Variants in NEO1 observed in about 807,000 individuals in gnomAD.
NEO1 encodes neogenin.
In NEO1, 63 loss-of-function variants were observed where a neutral mutation model predicts 159.7. The observed-to-expected ratio is 0.39, with a 90% confidence interval of 0.32 to 0.49. The LOEUF is 0.49. Ranked by LOEUF, NEO1 falls within the 20% of genes least tolerant of loss-of-function variation. The probability of loss-of-function intolerance (pLI) is 0.85; values close to 1 mark genes in which losing one functional copy is unlikely to be tolerated. For synonymous variants in NEO1, 633 were observed against 662.0 expected (o/e 0.96, Z 0.67); for missense variants, 1,615 against 1,831.0 (o/e 0.88, Z 2.15).
intron 7 of NEO1, among the ~76,000 whole-genome samples, chr15:73,178,755 C>A (rs1275080350): frequency 6.6e-6 from 1 of 151,864 alleles, no homozygotes; most frequent in Admixed American, 6.6e-5. Flanking sequence ...TTTTCCAATT[C>A]TATACACTTT....
intron 23 of NEO1, among the ~76,000 whole-genome samples, chr15:73,286,403 T>G (rs989617060): frequency 6.6e-6 from 1 of 152,038 alleles, no homozygotes; most frequent in African/African-American, 2.4e-5. Flanking sequence ...TTGTTTTTTG[T>G]TTTTTTTCAT....
At position 73,303,138 on chromosome 15, in the gene NEO1, T is replaced by C. The variant is rs1417679749; in HGVS notation, c.*442T>C. 1 of 158,998 alleles carries C rather than the reference T, an allele frequency of 6.3e-6. No individual in the cohort carries two copies. Among genetic ancestry groups the C allele is most frequent in the Non-Finnish European group, 1.4e-5 (1 of 71,556 alleles). 9.8% of individuals were successfully genotyped at this position (158,998 alleles called of 1,614,324 possible). A position where few individuals can be genotyped will look rare whatever the true frequency, so the allele number is the denominator to read the frequency against. On this transcript the variant is annotated 3_prime_UTR_variant, in exon 29 of 29. Coordinates refer to ENST00000261908, the MANE Select transcript of NEO1 (RefSeq NM_002499.4). ...AAAACGCCATCCAAAACCAAGGAAG[T>C]CCTTGGTGTTCTCCACAAGTGGTTG...
At chr15:73,150,718 A>C (rs1218702695) in intron 5 of NEO1, among the ~76,000 whole-genome samples, 2 of 152,208 alleles carry the variant, frequency 1.3e-5, no homozygotes, top group Non-Finnish European at 2.9e-5. Flanking sequence ...ACACATTACT[A>C]TACAACCAAA....
intron 27 of NEO1, among the ~76,000 whole-genome samples, chr15:73,300,314 C>T (rs1194925005): frequency 1.3e-5 from 2 of 152,210 alleles, no homozygotes; most frequent in African/African-American, 2.4e-5. Context: ...TTGACAGGCT[C>T]ACTTTGTTCA....
intron 7 of NEO1, among the ~76,000 whole-genome samples, chr15:73,228,771 A>T (rs2038739722): frequency 2.0e-5 from 3 of 152,156 alleles, no homozygotes; most frequent in African/African-American, 7.2e-5. Flanking sequence ...TTTATATATG[A>T]TGTGAGTTCA....
chr15:73,278,906 C>T (rs1011775494), intron 22 of NEO1, among the ~76,000 whole-genome samples: 2 of 152,174 alleles, frequency 1.3e-5, no homozygotes, highest in African/African-American at 4.8e-5. Flanking sequence ...CCTAAAAAAG[C>T]AGTGGGTGCT....
chr15:73,077,188 T>G (rs1483709977), intron 1 of NEO1, among the ~76,000 whole-genome samples: 4 of 151,986 alleles, frequency 2.6e-5, no homozygotes, highest in African/African-American at 9.7e-5. Context: ...GGATTACAGG[T>G]GCCCGCCACC....
intron 5 of NEO1, among the ~76,000 whole-genome samples, chr15:73,137,158 T>G (rs1352307846): frequency 6.6e-6 from 1 of 152,132 alleles, no homozygotes; most frequent in East Asian, 1.9e-4. Context: ...GCACGTTAGT[T>G]TATAGCCAAG....
intron 1 of NEO1, among the ~76,000 whole-genome samples, chr15:73,082,938 C>T (rs1460072788): frequency 5.9e-5 from 9 of 152,064 alleles, no homozygotes; most frequent in Non-Finnish European, 2.9e-5. Context: ...CAGACCCTGG[C>T]TAAAATGTGT....
rs186674467 is a variant in NEO1, at chr15:73,269,517, T to C, written c.2495-493T>C. Among the ~76,000 whole-genome samples the C allele has an allele frequency of 5.7e-3, 866 of 152,146 alleles. 5 individuals are homozygous for C. Among genetic ancestry groups the C allele is most frequent in the Middle Eastern group, 0.034 (10 of 294 alleles). On this transcript the variant is annotated intron_variant, in intron 16 of 28. Coordinates refer to ENST00000261908, the MANE Select transcript of NEO1 (RefSeq NM_002499.4). The stretch of plus-strand genomic sequence containing the variant: ...CTGGGACCCCAGGCACCTGCCACCA[T>C]GCCCAGCTAATTTTTGTATTTTTAG...
At chr15:73,290,224 ATTTTTTTTTTTTT>A (rs34114271) in intron 25 of NEO1, among the ~76,000 whole-genome samples, 8 of 82,250 alleles carry the variant, frequency 9.7e-5, no homozygotes, top group South Asian at 5.9e-4. Flanking sequence ...ACTGTGTGGA[ATTTTTTTTTTTTT>A]TTTTTTTTTT....
intron 5 of NEO1, chr15:73,162,242 G>C (rs2034237011): frequency 4.6e-6 from 1 of 215,934 alleles, no homozygotes; most frequent in African/African-American, 2.3e-5. Context: ...GCTCCTAAGT[G>C]CTGTTACCTG....
At chr15:73,285,269 GC>G (rs1294108138) in intron 23 of NEO1, among the ~76,000 whole-genome samples, 3 of 152,026 alleles carry the variant, frequency 2.0e-5, no homozygotes, top group Admixed American at 6.5e-5. Context: ...ACAGGCATGT[GC>G]CACCATGCCC....
chr15:73,060,972 C>T (rs1185116896), intron 1 of NEO1, among the ~76,000 whole-genome samples: 2 of 152,150 alleles, frequency 1.3e-5, no homozygotes, highest in Non-Finnish European at 1.5e-5. Context: ...TCGTACCTCA[C>T]CTACATAGGA....
chr15:73,145,315 G>A (rs1006335473), intron 5 of NEO1, among the ~76,000 whole-genome samples: 1 of 152,142 alleles, frequency 6.6e-6, no homozygotes, highest in African/African-American at 2.4e-5. Context: ...ATTATATGGG[G>A]ATTCTCATAC....
Position 73,223,289 on chromosome 15 carries a change from T to TA in NEO1, c.1292-13058_1292-13057insA, listed in dbSNP as rs1456998504. The stretch of plus-strand genomic sequence containing the variant: ...GGATGAAATGTTCTGTATATATCTG[T>TA]TAAGTCCATTTGTTCCAAGGTATAG... On this transcript the variant is annotated intron_variant, in intron 7 of 28. Transcript: ENST00000261908. 8.1e-4 allele frequency among the ~76,000 whole-genome samples: 124 copies of TA among 152,338 alleles called. 2 individuals are homozygous for TA. The South Asian group carries it at 0.018, about 22-fold the overall frequency.
chr15:73,180,893 G>A (rs12912737), intron 7 of NEO1, among the ~76,000 whole-genome samples: 55,931 of 152,040 alleles, frequency 0.37, 11,755 homozygotes, highest in East Asian at 0.57. Context: ...TAATTTGCAA[G>A]ATAAATATTT....
intron 15 of NEO1, among the ~76,000 whole-genome samples, chr15:73,262,389 A>T (rs1328809523): frequency 6.6e-6 from 1 of 152,212 alleles, no homozygotes; most frequent in Non-Finnish European, 1.5e-5. Context: ...TCCAAAATAT[A>T]TAAAAACTCT....
At chr15:73,078,410 G>T (rs2068879427) in intron 1 of NEO1, among the ~76,000 whole-genome samples, 2 of 152,190 alleles carry the variant, frequency 1.3e-5, no homozygotes, top group African/African-American at 2.4e-5. Context: ...CCTGAAATTT[G>T]TTGGTTTTCA....
Sources: gnomAD v4.1 joint callset for allele counts (sites outside exome capture counted in the v4.1 genomes callset) on GRCh38, gnomAD v4.1.1 for gene constraint, MANE v1.5 for transcripts, NCBI Gene and HGNC (gene_info 2026-07-23, HGNC 2026-07-21) for gene names.